The following ANK2 variants were observed in gnomAD, a reference collection of about 807,000 sequenced individuals.
ANK2 encodes the protein ankyrin-2.
ANK2 carries 83 observed loss-of-function variants against 360.5 expected under a neutral mutation model. The observed-to-expected ratio is 0.23, with a 90% CI of 0.19 to 0.28. The LOEUF is 0.28. Among genes scored for constraint, ANK2 ranks in the 10% least tolerant of loss-of-function variants. The probability of loss-of-function intolerance (pLI) is 1.00; values close to 1 mark genes in which losing one functional copy is unlikely to be tolerated. For missense variants in ANK2, 4,201 were observed against 4,795.7 expected, an observed-to-expected ratio of 0.88 and a Z score of 3.66; for synonymous variants, 1,740 against 1,759.5, an observed-to-expected ratio of 0.99 and a Z score of 0.28.
chr4:113,336,754 A>G lies in ANK2; in HGVS notation c.3769A>G (p.Thr1257Ala), dbSNP rs762462450. 6.2e-7 allele frequency: 1 copy of G among 1,614,148 alleles called. No homozygotes were observed. The highest frequency in any genetic ancestry group is 1.1e-5 in the South Asian group (1 of 91,082). The change falls in exon 31 of 46, where the codon ACC (threonine) becomes GCC (alanine). Residue 1257 changes from threonine to alanine, a missense_variant. Transcript: ENST00000357077. Reference protein sequence around the residue: ...MLNGFGGDAPTLRLLCSITGG... With the variant: ...MLNGFGGDAPALRLLCSITGG... ...GAATGGTTTTGGGGGAGATGCACCA[A>G]CCTTAAGATTACTATGCAGCATAAC...
rs555409200 is a variant in ANK2 at position 112,968,780 on chromosome 4, A to G, written c.21+64266A>G. Among the ~76,000 whole-genome samples, 14 of 152,346 alleles carry G rather than the reference A, an allele frequency of 9.2e-5. No homozygotes were observed. The South Asian group carries it at 2.5e-3, about 27-fold the overall frequency. On this transcript the variant is annotated intron_variant, in intron 2 of 30. Coordinates refer to the ANK2 transcript ENST00000503271. The stretch of plus-strand genomic sequence containing the variant: ...TTAGCATAGGGTTAAATCATTGAAC[A>G]GTCTGTTCTGGAGAATTTAATATTT...
chr4:112,770,442 C>T, the ANK2 span, among the ~76,000 whole-genome samples: 1 of 152,156 alleles, frequency 6.6e-6, no homozygotes, highest in African/African-American at 2.4e-5. Flanking sequence ...GTGGTGGCAC[C>T]TGCCTCTAAT....
At chr4:112,929,010 G>A (rs961630459) in intron 2 of ANK2, among the ~76,000 whole-genome samples, 1 of 151,746 alleles carries the variant, frequency 6.6e-6, no homozygotes, top group African/African-American at 2.4e-5. Context: ...GCACCACCAT[G>A]CCCAGCTAAT....
intron 17 of ANK2, among the ~76,000 whole-genome samples, chr4:113,280,741 A>G (rs1436805181): frequency 6.6e-6 from 1 of 152,182 alleles, no homozygotes; most frequent in Non-Finnish European, 1.5e-5. Context: ...CAGATCTTGT[A>G]GGTTGAGTAT....
At chr4:112,905,091 G>A (rs904883344) in intron 2 of ANK2, among the ~76,000 whole-genome samples, 6 of 152,048 alleles carry the variant, frequency 3.9e-5, no homozygotes, top group Non-Finnish European at 7.4e-5. Context: ...TATTTATATC[G>A]CACACATGAT....
At chr4:113,329,550 G>A (rs2091726021) in intron 26 of ANK2, among the ~76,000 whole-genome samples, 1 of 152,114 alleles carries the variant, frequency 6.6e-6, no homozygotes, top group African/African-American at 2.4e-5. Flanking sequence ...TCCCACTCCT[G>A]AAATTTCACT....
At chr4:113,181,226 G>A (rs1220518155) in intron 2 of ANK2, among the ~76,000 whole-genome samples, 2 of 152,136 alleles carry the variant, frequency 1.3e-5, no homozygotes, top group Non-Finnish European at 2.9e-5. Flanking sequence ...TTCTATGACT[G>A]TCTTATTAAG....
chr4:112,974,636 G>A (rs989691877), intron 2 of ANK2, among the ~76,000 whole-genome samples: 1 of 152,156 alleles, frequency 6.6e-6, no homozygotes, highest in East Asian at 1.9e-4. Flanking sequence ...ATCAGGAAGT[G>A]CAAATGGATT....
chr4:113,068,764 G>C (rs1289639715), intron 1 of ANK2, among the ~76,000 whole-genome samples: 1 of 152,110 alleles, frequency 6.6e-6, no homozygotes, highest in Non-Finnish European at 1.5e-5. Flanking sequence ...AGACGGAACA[G>C]ATTAAGGAAG....
intron 2 of ANK2, among the ~76,000 whole-genome samples, chr4:112,990,621 G>A (rs1343218024): frequency 1.3e-5 from 2 of 152,060 alleles, no homozygotes; most frequent in African/African-American, 4.8e-5. Flanking sequence ...TAAATGATAG[G>A]CATTTCAAGA....
rs144501722 is a variant in ANK2 at position 113,216,737 on chromosome 4, G to C, written c.385-15424G>C. On this transcript the variant is annotated intron_variant, in intron 4 of 45. Coordinates refer to ENST00000357077, the MANE Select transcript of ANK2 (RefSeq NM_001148.6). ...GTTTAAAATCTGGCTCTGAACACAA[G>C]TATAACGAGTGGGCAGAGCATACTT... Among the ~76,000 whole-genome samples, 57 of 152,258 alleles carry C rather than the reference G, an allele frequency of 3.7e-4. 1 individual carries two copies. The East Asian group carries it at 9.6e-3, about 26-fold the overall frequency.
intron 1 of ANK2, among the ~76,000 whole-genome samples, chr4:112,862,495 G>A (rs1437546210): frequency 2.0e-5 from 3 of 152,138 alleles, no homozygotes; most frequent in Non-Finnish European, 4.4e-5. Context: ...AACAAGGGCA[G>A]CTGTATACCA....
At position 113,373,607 on chromosome 4, in the gene ANK2, C is replaced by G. The variant is rs540780116; in HGVS notation, c.11859+158C>G. ...CATTCACCTTTTTGTTTTCATGATTCTATGTGATTTTAAGACAGCCATCAG... is the reference window on the plus strand; with the variant it reads ...CATTCACCTTTTTGTTTTCATGATTGTATGTGATTTTAAGACAGCCATCAG... On this transcript the variant is annotated intron_variant, in intron 45 of 45. Transcript: ENST00000357077. 4 of 840,472 alleles carry G rather than the reference C, an allele frequency of 4.8e-6. No homozygotes were observed. The East Asian group carries it at 9.7e-5, about 20-fold the overall frequency. 52.1% of individuals were successfully genotyped at this position (840,472 alleles called of 1,614,324 possible). A position where few individuals can be genotyped will look rare whatever the true frequency, so the allele number is the denominator to read the frequency against.
chr4:113,104,873 A>C (rs1268248242), intron 1 of ANK2, among the ~76,000 whole-genome samples: 1 of 152,166 alleles, frequency 6.6e-6, no homozygotes, highest in African/African-American at 2.4e-5. Context: ...TGAAGAACAT[A>C]ATTTAGGTAA....
chr4:113,110,608 G>A (rs2352185), intron 1 of ANK2, among the ~76,000 whole-genome samples: 1 of 151,896 alleles, frequency 6.6e-6, no homozygotes, highest in African/African-American at 2.4e-5. Context: ...TGCCAAGTAC[G>A]CATGGATACA....
At chr4:113,197,194 A>G (rs1584599845) in intron 3 of ANK2, among the ~76,000 whole-genome samples, 1 of 152,332 alleles carries the variant, frequency 6.6e-6, no homozygotes, top group East Asian at 1.9e-4. Flanking sequence ...CTAATAAGAA[A>G]AGAGATTTTG....
the ANK2 span, among the ~76,000 whole-genome samples, chr4:112,805,796 C>T: frequency 1.4e-4 from 21 of 152,006 alleles, no homozygotes; most frequent in African/African-American, 5.1e-4. Flanking sequence ...TGGTCAGGCT[C>T]GAACTCCTGA....
intron 4 of ANK2, among the ~76,000 whole-genome samples, chr4:113,216,724 G>T (rs989226738): frequency 6.6e-6 from 1 of 152,066 alleles, no homozygotes; most frequent in Non-Finnish European, 1.5e-5. Flanking sequence ...TTAAAATCTG[G>T]CTCTGAACAC....
Position 113,357,819 on chromosome 4 carries a change from T to C in ANK2, c.9201T>C (p.Phe3067=), listed in dbSNP as rs1315459898. 6.2e-7 allele frequency: 1 copy of C among 1,613,814 alleles called. No individual in the cohort carries two copies. The highest frequency in any genetic ancestry group is 1.3e-5 in the African/African-American group (1 of 74,994). The part of the protein sequence containing the change: ...ARVKEEEQKI[F]GLMVDRQSQG... ...TGAAAGAGGAAGAACAAAAGATATT[T>C]GGTTTGATGGTAGACAGACAATCAC... Residue 3067 remains phenylalanine, a synonymous_variant, in exon 38 of 46, where the codon TTT becomes TTC. Transcript: ENST00000357077.
Sources: gnomAD v4.1 joint callset for allele counts (sites outside exome capture counted in the v4.1 genomes callset) on GRCh38, gnomAD v4.1.1 for gene constraint, MANE v1.5 for transcripts, NCBI Gene and HGNC (gene_info 2026-07-23, HGNC 2026-07-21) for gene names.